LDLRAD3: variants seen among roughly 807,000 people sequenced by gnomAD.
LDLRAD3 encodes low-density lipoprotein receptor class A domain-containing protein 3.
Under a neutral mutation model 29.4 loss-of-function variants are expected in LDLRAD3, and 20 were observed. The observed-to-expected ratio is 0.68, with a 90% CI of 0.48 to 0.99. The LOEUF is 0.99. Among genes scored for constraint, LDLRAD3 ranks in the 50% least tolerant of loss-of-function variants. The pLI, the probability that LDLRAD3 is intolerant of heterozygous loss-of-function variation, is 0.00. For missense variants in LDLRAD3, 420 were observed against 454.3 expected, an observed-to-expected ratio of 0.92 and a Z score of 0.69; for synonymous variants, 157 against 192.7, an observed-to-expected ratio of 0.81 and a Z score of 1.53.
At chr11:36,182,804 A>G (rs537980952) in intron 4 of LDLRAD3, among the ~76,000 whole-genome samples, 47 of 152,188 alleles carry the variant, frequency 3.1e-4, no homozygotes, top group African/African-American at 9.4e-4. Flanking sequence ...CCCTTCATCT[A>G]TTGTCTTCTG....
chr11:35,986,009 G>A (rs1474680309), intron 1 of LDLRAD3, among the ~76,000 whole-genome samples: 1 of 152,076 alleles, frequency 6.6e-6, no homozygotes, highest in African/African-American at 2.4e-5. Context: ...GGCCAGTCTG[G>A]ACAGATGAGT....
chr11:35,962,399 A>G (rs1176709079), intron 1 of LDLRAD3, among the ~76,000 whole-genome samples: 1 of 152,184 alleles, frequency 6.6e-6, no homozygotes, highest in Non-Finnish European at 1.5e-5. Context: ...TTGCCTCTAC[A>G]GAAAGTACCT....
intron 4 of LDLRAD3, among the ~76,000 whole-genome samples, chr11:36,112,524 C>T (rs2133288245): frequency 6.6e-6 from 1 of 152,334 alleles, no homozygotes; most frequent in Middle Eastern, 3.4e-3. Context: ...AGGGGCAGCC[C>T]TCTGCTCTCC....
At chr11:36,098,773 C>T (rs7106536) in intron 4 of LDLRAD3, among the ~76,000 whole-genome samples, 149,780 of 152,362 alleles carry the variant, frequency 0.98, 73,680 homozygotes, top group East Asian at 1. Context: ...TCTGAGACAA[C>T]GCTTTATTGG....
intron 1 of LDLRAD3, among the ~76,000 whole-genome samples, chr11:36,006,413 A>G (rs1851886100): frequency 6.6e-6 from 1 of 152,224 alleles, no homozygotes; most frequent in African/African-American, 2.4e-5. Context: ...TGAGAATTAA[A>G]TGGAACAGGT....
intron 1 of LDLRAD3, among the ~76,000 whole-genome samples, chr11:35,985,396 A>T (rs564920265): frequency 6.6e-6 from 1 of 152,112 alleles, no homozygotes; most frequent in South Asian, 2.1e-4. Flanking sequence ...ATTTTTGCAG[A>T]TTCCGTAAGG....
intron 2 of LDLRAD3, among the ~76,000 whole-genome samples, chr11:36,059,693 C>T (rs1196805029): frequency 1.3e-5 from 2 of 152,194 alleles, no homozygotes; most frequent in Non-Finnish European, 2.9e-5. Flanking sequence ...TATTCCTTTC[C>T]TCAACACCCA....
intron 3 of LDLRAD3, among the ~76,000 whole-genome samples, chr11:36,089,239 G>T (rs772378805): frequency 6.6e-6 from 1 of 152,124 alleles, no homozygotes; most frequent in African/African-American, 2.4e-5. Flanking sequence ...CATGCTTTAC[G>T]TGGATGATCT....
At chr11:36,015,035 C>G (rs1852003104) in intron 1 of LDLRAD3, among the ~76,000 whole-genome samples, 1 of 152,168 alleles carries the variant, frequency 6.6e-6, no homozygotes, top group African/African-American at 2.4e-5. Context: ...GCTTCCAGGG[C>G]AGTCCCCTAC....
chr11:36,061,416 C>T (rs1292703325), intron 2 of LDLRAD3, among the ~76,000 whole-genome samples: 1 of 152,178 alleles, frequency 6.6e-6, no homozygotes, highest in Non-Finnish European at 1.5e-5. Flanking sequence ...GCTGGGATTA[C>T]AGGTGTGAGC....
At chr11:36,131,611 A>T (rs547038132) in intron 4 of LDLRAD3, among the ~76,000 whole-genome samples, 1 of 152,238 alleles carries the variant, frequency 6.6e-6, no homozygotes, top group African/African-American at 2.4e-5. Flanking sequence ...TGAAATATAC[A>T]TAACAGAAAA....
At chr11:36,169,087 A>T (rs954793966) in intron 4 of LDLRAD3, among the ~76,000 whole-genome samples, 1 of 152,200 alleles carries the variant, frequency 6.6e-6, no homozygotes, top group Non-Finnish European at 1.5e-5. Context: ...TGCAGACTAC[A>T]GTTGTGGAGC....
chr11:36,051,530 C>T (rs551074388), intron 2 of LDLRAD3, among the ~76,000 whole-genome samples: 1 of 152,316 alleles, frequency 6.6e-6, no homozygotes, highest in Non-Finnish European at 1.5e-5. Flanking sequence ...AGAACAACAC[C>T]TGCTTCACAG....
intron 1 of LDLRAD3, among the ~76,000 whole-genome samples, chr11:36,017,113 A>G (rs377420869): frequency 3.0e-4 from 46 of 152,230 alleles, no homozygotes; most frequent in African/African-American, 1.1e-3. Context: ...GAAGAAAAAC[A>G]TTTGCCTTTG....
chr11:36,003,124 A>G (rs556179348), intron 1 of LDLRAD3, among the ~76,000 whole-genome samples: 2 of 152,342 alleles, frequency 1.3e-5, no homozygotes, highest in East Asian at 3.9e-4. Context: ...GTTGATAAAG[A>G]GAAAATGCCC....
chr11:36,155,953 A>G lies in LDLRAD3; in HGVS notation c.454+57492A>G, dbSNP rs1854344115. ...ACCTGCAGGGCTCTGTGGAGGAAAGAGCTTTGAGCTGGGAAATTATGTTCT... is the reference window on the plus strand; with the variant it reads ...ACCTGCAGGGCTCTGTGGAGGAAAGGGCTTTGAGCTGGGAAATTATGTTCT... On this transcript the variant is annotated intron_variant, in intron 4 of 5. Transcript: ENST00000315571. 7.2e-5 allele frequency among the ~76,000 whole-genome samples: 11 copies of G among 152,248 alleles called. 2 individuals carry two copies. In the South Asian group the frequency reaches 2.3e-3, roughly 32 times the overall value.
chr11:36,056,458 A>T (rs1298886542), intron 2 of LDLRAD3, among the ~76,000 whole-genome samples: 1 of 152,188 alleles, frequency 6.6e-6, no homozygotes, highest in African/African-American at 2.4e-5. Context: ...TGGCTGAGGC[A>T]CTTGGGTGGC....
chr11:36,142,891 C>T (rs773386489), intron 4 of LDLRAD3, among the ~76,000 whole-genome samples: 4 of 152,166 alleles, frequency 2.6e-5, no homozygotes, highest in South Asian at 2.1e-4. Flanking sequence ...TGTGCAGTCA[C>T]GCAAAAATCC....
intron 2 of LDLRAD3, among the ~76,000 whole-genome samples, chr11:36,078,237 G>T (rs57381637): frequency 6.2e-4 from 95 of 152,284 alleles, no homozygotes; most frequent in African/African-American, 2.2e-3. Context: ...CAGGCCTCAG[G>T]CCTTCCCTGG....
Sources: gnomAD v4.1 joint callset for allele counts (sites outside exome capture counted in the v4.1 genomes callset) on GRCh38, gnomAD v4.1.1 for gene constraint, MANE v1.5 for transcripts, NCBI Gene and HGNC (gene_info 2026-07-23, HGNC 2026-07-21) for gene names.